GOLGA8M: variants seen among roughly 807,000 people sequenced by gnomAD.
GOLGA8M encodes the protein golgin subfamily A member 8M.
A neutral mutation model predicts 87.7 loss-of-function variants in GOLGA8M; 34 were observed. The ratio of observed to expected loss-of-function variants is 0.39; its 90% confidence interval spans 0.29 to 0.52. The LOEUF (loss-of-function observed/expected upper bound fraction) is 0.52. GOLGA8M is among the 20% of genes least tolerant of loss of function. The probability of loss-of-function intolerance (pLI) is 0.80; values close to 1 mark genes in which losing one functional copy is unlikely to be tolerated. For synonymous variants in GOLGA8M, 138 were observed against 250.2 expected, an observed-to-expected ratio of 0.55 and a Z score of 4.23; for missense variants, 396 against 682.2, an observed-to-expected ratio of 0.58 and a Z score of 4.67.
rs1341954121 is a variant in GOLGA8M, at chr15:28,702,322, A to C, written c.1615T>G (p.Tyr539Asp). ...AGGAATTTTCTGTGCCCATTGTTGTAGTTGCTGTAAGCCGCAATACCATCT... is the reference window on the plus strand; with the variant it reads ...AGGAATTTTCTGTGCCCATTGTTGTCGTTGCTGTAAGCCGCAATACCATCT... The part of the protein sequence containing the change: ...AADGIAAYSN[Y>D]NNGHRKFLAA... Residue 539 changes from tyrosine to aspartate, a missense_variant, in exon 18 of 19, where the codon TAC (tyrosine) becomes GAC (aspartate). Coordinates refer to ENST00000563027, the MANE Select transcript of GOLGA8M (RefSeq NM_001282468.3). 17 of 1,530,156 alleles carry C rather than the reference A, an allele frequency of 1.1e-5. No homozygotes were observed. The highest frequency in any genetic ancestry group is 1.4e-5 in the Non-Finnish European group (16 of 1,146,886). 94.8% of individuals were successfully genotyped at this position (1,530,156 alleles called of 1,614,324 possible).
rs539256593 is a variant in GOLGA8M, at chr15:28,702,685, C to G, written c.1429G>C (p.Glu477Gln). The G allele has an allele frequency of 6.2e-7, 1 of 1,605,860 alleles. No homozygotes were observed. The highest frequency in any genetic ancestry group is 8.5e-7 in the Non-Finnish European group (1 of 1,179,500). ...ADLSELVKKQ[E>Q]LRFIQYWQER... ...TGCCAGTATTGAATGAAGCGAAGTTCTTGTTTCTTCACAAGCTCACTCAGG... is the reference window on the plus strand; with the variant it reads ...TGCCAGTATTGAATGAAGCGAAGTTGTTGTTTCTTCACAAGCTCACTCAGG... Residue 477 changes from glutamate (E) to glutamine (Q), a missense_variant, in exon 16 of 19, where the codon GAA becomes CAA. Around this residue, in one of 12 missense-constraint regions of GOLGA8M, gnomAD observed 173 missense variants for 150.2 expected, o/e 1.15. Coordinates refer to ENST00000563027, the MANE Select transcript of GOLGA8M (RefSeq NM_001282468.3).
intron 15 of GOLGA8M, 119 bp from the exon 16 acceptor site, chr15:28,702,864 C>T (rs1201566464): frequency 1.4e-5 from 21 of 1,549,532 alleles, no homozygotes; most frequent in South Asian, 3.5e-5. Flanking sequence ...TGACTTCCTG[C>T]AGGGCCCAGT....
chr15:28,702,542 G>A lies in GOLGA8M; in HGVS notation c.1490C>T (p.Ser497Leu), dbSNP rs778855116. 4.4e-6 allele frequency: 7 copies of A among 1,604,408 alleles called. No individual in the cohort carries two copies. The African/African-American group carries it at 8.1e-5, about 19-fold the overall frequency. ...RCHQKIHHLL[S>L]EPGGRAKDAA... ...ATCTTTGGCACGGCCCCCTGGTTCT[G>A]ATAAAAGGTGATGGATTTTCCTGCG... Residue 497 changes from serine (S) to leucine (L), a missense_variant, in exon 17 of 19, where the codon TCA (serine) becomes TTA (leucine). Coordinates refer to ENST00000563027, the MANE Select transcript of GOLGA8M (RefSeq NM_001282468.3).
chr15:28,702,298 G>A lies in GOLGA8M; in HGVS notation c.1639C>T (p.Leu547=), dbSNP rs766441599. ...SNYNNGHRKF[L]AAAHNSADEP... ...TCAGCAGAGTTGTGGGCAGCGGCCA[G>A]GAATTTTCTGTGCCCATTGTTGTAG... Residue 547 remains leucine (L), a synonymous_variant, in exon 18 of 19, where the codon CTG becomes TTG. Coordinates refer to ENST00000563027, the MANE Select transcript of GOLGA8M (RefSeq NM_001282468.3). 32 of 1,537,020 alleles carry A rather than the reference G, an allele frequency of 2.1e-5. No individual in the cohort carries two copies. The Middle Eastern group carries it at 9.1e-4, about 44-fold the overall frequency.
Position 28,702,088 on chromosome 15 carries a change from C to T in GOLGA8M, c.1765G>A (p.Ala589Thr), listed in dbSNP as rs1443441890. ...VSLTSSAQGE[A>T]REDPLLDKPT... ...TTGTCAAGGAGAGGATCCTCCCTGG[C>T]CTCTCCTTGGGCAGAGGAGGTGAGG... The change falls in exon 19 of 19, where the codon GCC becomes ACC. Residue 589 changes from alanine to threonine, a missense_variant. Around this residue, in one of 12 missense-constraint regions of GOLGA8M, gnomAD observed 35 missense variants for 61.4 expected, o/e 0.57. Transcript: ENST00000563027. 7 of 1,589,230 alleles carry T rather than the reference C, an allele frequency of 4.4e-6. No homozygotes were observed. Among genetic ancestry groups the T allele is most frequent in the East Asian group, 4.5e-5 (2 of 44,564 alleles).
chr15:28,712,442 A>G (rs1415770203), upstream of GOLGA8M: 74 of 1,602,852 alleles, frequency 4.6e-5, no homozygotes, highest in Non-Finnish European at 3.8e-5. Context: ...AGGCGTAACC[A>G]GGGCCCCAGT....
intron 4 of GOLGA8M, among the ~76,000 whole-genome samples, chr15:28,708,944 G>A (rs1216229004): frequency 7.3e-6 from 1 of 136,098 alleles, no homozygotes; most frequent in Non-Finnish European, 1.5e-5. Context: ...GAATCAAAGA[G>A]CAAATTAGGG....
At chr15:28,712,169 G>A in intron 1 of GOLGA8M, 107 bp downstream of exon 1, 3 of 1,537,548 alleles carry the variant, frequency 2.0e-6, no homozygotes, top group East Asian at 2.5e-5. Flanking sequence ...CGGGGTTGGG[G>A]GGACCAGTCC....
chr15:28,701,651 G>C lies in GOLGA8M; in HGVS notation c.*303C>G, dbSNP rs943899236. Among the ~76,000 whole-genome samples the C allele has an allele frequency of 1.3e-5, 2 of 151,984 alleles. No individual in the cohort carries two copies. The highest frequency in any genetic ancestry group is 4.8e-5 in the African/African-American group (2 of 41,350). Reference sequence around the variant, plus strand: ...GAGAACAGTTTTGGGCAAAGAGTGGGTCTTTGTGTGTTTGAACTTCCACCA... The same window carrying C: ...GAGAACAGTTTTGGGCAAAGAGTGGCTCTTTGTGTGTTTGAACTTCCACCA... On this transcript the variant is annotated 3_prime_UTR_variant, in exon 19 of 19. Coordinates refer to ENST00000563027, the MANE Select transcript of GOLGA8M (RefSeq NM_001282468.3).
chr15:28,705,135 G>C, intron 13 of GOLGA8M, 24 bp downstream of exon 13: 1 of 1,598,034 alleles, frequency 6.3e-7, no homozygotes, highest in South Asian at 1.1e-5. Context: ...TCTTGGATGG[G>C]GTGGAGGTTT....
chr15:28,704,988 C>T (rs1416514498), intron 13 of GOLGA8M, 171 bp downstream of exon 13: 14 of 1,030,510 alleles, frequency 1.4e-5, no homozygotes, highest in Non-Finnish European at 1.9e-5. Flanking sequence ...CAGGGCTACC[C>T]ACCTTTAAAA....
At chr15:28,704,750 T>G (rs2140919341) in intron 13 of GOLGA8M, among the ~76,000 whole-genome samples, 1 of 145,744 alleles carries the variant, frequency 6.9e-6, no homozygotes, top group South Asian at 2.2e-4. Flanking sequence ...GCTAATTTTT[T>G]TTTTTTTTGT....
At position 28,707,846 on chromosome 15, in the gene GOLGA8M, C is replaced by T. The variant is rs889609914; in HGVS notation, c.493G>A (p.Asp165Asn). The change falls in exon 8 of 19, where the codon GAT becomes AAT. Residue 165 changes from aspartate to asparagine, a missense_variant. By Grantham distance (23) the Asp-to-Asn change is conservative. Transcript: ENST00000563027. ...GAATGTTGCAGGCGGACAGCCAGAT[C>T]CTTGGACTTTTCTGTAGTGAGAGAG... ...SLRYFEEKSK[D>N]LAVRLQHSLQ... 21 of 1,571,782 alleles carry T rather than the reference C, an allele frequency of 1.3e-5. 1 individual carries two copies. Among genetic ancestry groups the T allele is most frequent in the Non-Finnish European group, 1.7e-5 (20 of 1,176,590 alleles).
At position 28,699,290 on chromosome 15, in the gene GOLGA8M, G is replaced by T. The variant is rs1422398280; in HGVS notation, c.*2664C>A. 6.8e-6 allele frequency among the ~76,000 whole-genome samples: 1 copy of T among 147,766 alleles called. No individual in the cohort carries two copies. The highest frequency in any genetic ancestry group is 1.5e-5 in the Non-Finnish European group (1 of 67,832). ...TCCTACAGAAATTAAAATGTATTCA[G>T]TGGAACTCACAGTTTAAAATTCTGT... is the stretch of plus-strand genomic sequence containing the variant. On this transcript the variant is annotated 3_prime_UTR_variant, in exon 19 of 19. Transcript: ENST00000563027.
chr15:28,712,133 A>C (rs1055016870), intron 1 of GOLGA8M, 143 bp downstream of exon 1: 9 of 1,534,638 alleles, frequency 5.9e-6, no homozygotes, highest in African/African-American at 1.4e-5. Flanking sequence ...GACTGACAAA[A>C]CTTTGATGGG....
At position 28,712,301 on chromosome 15, in the gene GOLGA8M, T is replaced by C. The variant is rs111557126; in HGVS notation, c.23A>G (p.Asn8Ser). Residue 8 changes from asparagine to serine, a missense_variant, in exon 1 of 19, where the codon AAC (asparagine) becomes AGC (serine). Physicochemically the swap from Asn to Ser is conservative, Grantham distance 46 (BLOSUM62 1). Transcript: ENST00000563027. MAEETQH[N>S]KLAAAKKKLK... is the part of the protein sequence containing the mutation. ...CTTTTTCTTGGCTGCAGCCAATTTG[T>C]TGTGTTGAGTTTCTTCTGCCATCGC... is the stretch of plus-strand genomic sequence containing the variant. 39,926 of 1,506,422 alleles carry C rather than the reference T, an allele frequency of 0.027. 672 individuals are homozygous for C. Among genetic ancestry groups the C allele is most frequent in the Non-Finnish European group, 0.03 (33,833 of 1,122,566 alleles). The allele number at this position is 1,506,422 out of a possible 1,614,324, so 93.3% of individuals were successfully genotyped here.
chr15:28,704,642 A>G (rs1284117943), intron 13 of GOLGA8M, among the ~76,000 whole-genome samples: 2 of 144,512 alleles, frequency 1.4e-5, no homozygotes, highest in African/African-American at 5.2e-5. Context: ...CAGTGGTGCA[A>G]TCTCAGCTCA....
At chr15:28,705,120 G>C (rs1156456710) in intron 13 of GOLGA8M, 39 bp downstream of exon 13, 1 of 1,597,144 alleles carries the variant, frequency 6.3e-7, no homozygotes, top group Admixed American at 1.7e-5. Flanking sequence ...CCGCCTCCCA[G>C]CCCTTCTTGG....
intron 1 of GOLGA8M, chr15:28,711,766 G>A (rs1222171569): frequency 1.1e-4 from 112 of 984,026 alleles, no homozygotes; most frequent in Non-Finnish European, 1.3e-4. Flanking sequence ...TCAGCACCAT[G>A]TCTAAGTCGC....
Sources: gnomAD v4.1 joint callset for allele counts (sites outside exome capture counted in the v4.1 genomes callset) on GRCh38, gnomAD v4.1.1 for gene constraint, gnomAD v4.1.1 regional missense constraint, MANE v1.5 for transcripts, NCBI Gene and HGNC (gene_info 2026-07-23, HGNC 2026-07-21) for gene names.